KRT8: variants seen among roughly 807,000 people sequenced by gnomAD.
The protein encoded by KRT8 is keratin 8, also known as keratin, type II cytoskeletal 8.
A neutral mutation model predicts 43.0 loss-of-function variants in KRT8; 24 were observed. That is an observed-to-expected ratio of 0.56 (90% CI 0.40 to 0.78). The LOEUF (loss-of-function observed/expected upper bound fraction) is 0.78, where lower values mean the gene tolerates loss of function less well. Ranked by LOEUF, KRT8 falls within the 30% of genes least tolerant of loss-of-function variation. The pLI is 0.00. For missense variants in KRT8, 492 were observed against 638.4 expected (o/e 0.77, Z 2.47); for synonymous variants, 214 against 261.2 (o/e 0.82, Z 1.74).
At position 52,899,758 on chromosome 12, in the gene KRT8, C is replaced by A. The variant is rs778823807; in HGVS notation, c.981+17G>T. 3 of 1,610,118 alleles carry A rather than the reference C, an allele frequency of 1.9e-6. No individual in the cohort carries two copies. The highest frequency in any genetic ancestry group is 2.7e-5 in the African/African-American group (2 of 74,814). ...ATGTGTCCAAGGAACCCCTCCCACC[C>A]CCAACCCGGCCCATACCTGGCCTTT... On this transcript the variant is annotated intron_variant, in intron 5 of 7. Coordinates refer to ENST00000692008, the Ensembl canonical transcript of KRT8.
chr12:52,904,836 C>A lies in KRT8; in HGVS notation c.146G>T (p.Gly49Val), dbSNP rs537655743. ...GGCCCCACCATAGCCGCCGCCCAGG[C>A]CACCGCGAAAGTTGCTGCTGCCCAC... The change falls in exon 1 of 8, where the codon GGC becomes GTC. Residue 49 changes from glycine (G) to valine (V), a missense_variant. Transcript: ENST00000692008. 5 of 1,612,568 alleles carry A rather than the reference C, an allele frequency of 3.1e-6. No homozygotes were observed. The African/African-American group carries it at 5.3e-5, about 17-fold the overall frequency.
intron 2 of KRT8, among the ~76,000 whole-genome samples, chr12:52,926,849 G>A (rs1449324050): frequency 2.0e-5 from 3 of 152,052 alleles, no homozygotes; most frequent in African/African-American, 7.2e-5. Context: ...GCACATCAGC[G>A]CCAAGGCATC....
intron 2 of KRT8, among the ~76,000 whole-genome samples, chr12:52,939,596 C>T (rs1437857102): frequency 6.6e-6 from 1 of 152,026 alleles, no homozygotes; most frequent in Non-Finnish European, 1.5e-5. Flanking sequence ...GTGGCGTATA[C>T]CCGCGATTCC....
At chr12:52,901,076 G>T in intron 3 of KRT8, 83 bp downstream of exon 3, 1 of 1,003,892 alleles carries the variant, frequency 1.0e-6, no homozygotes, top group Non-Finnish European at 1.6e-6. Context: ...GAATATTTAG[G>T]GACAAAACCC....
At chr12:52,900,842 C>A in intron 3 of KRT8, 159 bp from the exon 4 acceptor site, 1 of 671,018 alleles carries the variant, frequency 1.5e-6, no homozygotes, top group East Asian at 2.7e-5. Context: ...CATGTGCATT[C>A]TCAGCCCACA....
chr12:52,900,505 T>A, intron 4 of KRT8, 83 bp downstream of exon 4: 3 of 865,088 alleles, frequency 3.5e-6, no homozygotes, highest in Non-Finnish European at 6.0e-6. Flanking sequence ...TGCTGGGGGC[T>A]GGGAGGAGCC....
At chr12:52,919,828 T>C (rs1055432029) in intron 2 of KRT8, among the ~76,000 whole-genome samples, 3 of 151,688 alleles carry the variant, frequency 2.0e-5, no homozygotes, top group African/African-American at 7.3e-5. Context: ...TTAGTATTTT[T>C]AGTGAGACAG....
At chr12:52,900,319 C>T (rs1012296263) in intron 4 of KRT8, among the ~76,000 whole-genome samples, 1 of 152,144 alleles carries the variant, frequency 6.6e-6, no homozygotes, top group African/African-American at 2.4e-5. Flanking sequence ...AATCACCACA[C>T]CCTATGATGA....
upstream of KRT8, chr12:52,906,782 C>T (rs751093922): frequency 1.3e-5 from 6 of 455,760 alleles, no homozygotes; most frequent in Non-Finnish European, 2.6e-5. Flanking sequence ...AGCCCTGACC[C>T]AGGGAAGGGG....
At chr12:52,928,847 A>C (rs1439071672) in intron 2 of KRT8, among the ~76,000 whole-genome samples, 2 of 152,220 alleles carry the variant, frequency 1.3e-5, no homozygotes, top group Non-Finnish European at 2.9e-5. Flanking sequence ...TGGAGGTTGC[A>C]GTGAGACAAG....
At chr12:52,904,534 A>T (rs1319472960) in intron 1 of KRT8, 124 bp downstream of exon 1, 4 of 886,030 alleles carry the variant, frequency 4.5e-6, no homozygotes, top group Non-Finnish European at 7.4e-6. Context: ...TGGAAGGGAG[A>T]GTGTCGCCAG....
chr12:52,904,196 G>T (rs1304627767), intron 1 of KRT8, among the ~76,000 whole-genome samples: 3 of 152,132 alleles, frequency 2.0e-5, no homozygotes, highest in Non-Finnish European at 4.4e-5. Context: ...TAGTGCTGGC[G>T]AAGAGGCGAA....
intron 2 of KRT8, among the ~76,000 whole-genome samples, chr12:52,913,695 G>A (rs779031291): frequency 1.6e-4 from 25 of 151,830 alleles, no homozygotes; most frequent in Non-Finnish European, 2.9e-4. Flanking sequence ...ATGGCCTGAC[G>A]CACACGCCAA....
intron 2 of KRT8, among the ~76,000 whole-genome samples, chr12:52,943,737 A>G (rs1942302232): frequency 6.6e-6 from 1 of 151,932 alleles, no homozygotes; most frequent in African/African-American, 2.4e-5. Flanking sequence ...TGGCATCCAT[A>G]CCTCCTGCCC....
At chr12:52,945,408 G>A (rs1942328517) in intron 2 of KRT8, among the ~76,000 whole-genome samples, 1 of 152,188 alleles carries the variant, frequency 6.6e-6, no homozygotes, top group Non-Finnish European at 1.5e-5. Flanking sequence ...CCTGTTTTGT[G>A]TATAGACCCC....
upstream of KRT8, among the ~76,000 whole-genome samples, chr12:52,911,881 T>C (rs1941643446): frequency 6.6e-6 from 1 of 151,946 alleles, no homozygotes; most frequent in Non-Finnish European, 1.5e-5. Flanking sequence ...ACAAAAAAAT[T>C]AGCCAAGTAT....
chr12:52,913,461 G>A (rs1351591577), intron 2 of KRT8, among the ~76,000 whole-genome samples: 1 of 152,216 alleles, frequency 6.6e-6, no homozygotes, highest in Admixed American at 6.5e-5. Context: ...GGAGGGCAGA[G>A]GTGCATGATG....
Position 52,901,535 on chromosome 12 carries a change from C to A in KRT8, c.534-316G>T. 3 of 553,394 alleles carry A rather than the reference C, an allele frequency of 5.4e-6. No individual in the cohort carries two copies. In the East Asian group the frequency reaches 9.6e-5, roughly 18 times the overall value. The allele number at this position is 553,394 out of a possible 1,614,324, so 34.3% of individuals were successfully genotyped here. On this transcript the variant is annotated intron_variant, in intron 2 of 7. Coordinates refer to ENST00000692008, the Ensembl canonical transcript of KRT8. ...GTTTGCTAGAGGTCAAGGGTCAAGA[C>A]TAAAGAGGGGCCAGAATGTTAAGTA...
rs1941342694 is a variant in KRT8, at chr12:52,900,584, A to T, written c.690+4T>A. On this transcript the variant is annotated splice_donor_region_variant and intron_variant, in intron 4 of 7. Coordinates refer to ENST00000692008, the Ensembl canonical transcript of KRT8. ...CCCTCACTCTCCTGCGACCAGGAAC[A>T]TACCTCTTCATATAGCTGCCTGAGG... 6 of 1,594,398 alleles carry T rather than the reference A, an allele frequency of 3.8e-6. No individual in the cohort carries two copies. The highest frequency in any genetic ancestry group is 1.7e-5 in the Admixed American group (1 of 59,964).
Sources: allele counts gnomAD v4.1 joint callset (sites outside exome capture counted in the v4.1 genomes callset), GRCh38; gene constraint gnomAD v4.1.1; transcripts MANE v1.5; gene names NCBI Gene and HGNC (gene_info 2026-07-23, HGNC 2026-07-21).